ANKRD30A: variants seen among roughly 807,000 people sequenced by gnomAD.
The protein encoded by ANKRD30A is ankyrin repeat domain-containing protein 30A.
Under a neutral mutation model 166.3 loss-of-function variants are expected in ANKRD30A, and 170 were observed. The observed-to-expected ratio is 1.02, with a 90% CI of 0.90 to 1.16. The LOEUF (loss-of-function observed/expected upper bound fraction) is 1.16, where lower values mean the gene tolerates loss of function less well. Among genes scored for constraint, ANKRD30A ranks in the 50% most tolerant of loss-of-function variants. The pLI is 0.00. For synonymous variants in ANKRD30A, 564 were observed against 508.9 expected (o/e 1.11, Z -1.46); for missense variants, 1,630 against 1,518.0 (o/e 1.07, Z -1.23).
intron 7 of ANKRD30A, among the ~76,000 whole-genome samples, chr10:37,143,199 AAAAAAT>A (rs1837273654): frequency 6.6e-6 from 1 of 152,216 alleles, no homozygotes; most frequent in Non-Finnish European, 1.5e-5. Context: ...AGCAAGAAAG[AAAAAAT>A]AATGCTTATG....
intron 27 of ANKRD30A, among the ~76,000 whole-genome samples, chr10:37,196,146 C>G (rs191876962): frequency 2.4e-3 from 317 of 131,604 alleles, no homozygotes; most frequent in African/African-American, 8.7e-3. Flanking sequence ...TAACAGGGGA[C>G]AAACAAGAAA....
At chr10:37,250,802 G>A in the ANKRD30A span, among the ~76,000 whole-genome samples, 2 of 151,528 alleles carry the variant, frequency 1.3e-5, no homozygotes, top group African/African-American at 4.8e-5. Flanking sequence ...TCAGCCTCCA[G>A]ATCTTTAAGA....
rs769829463 is a variant in ANKRD30A, at chr10:37,149,830, T to C, written c.1626T>C (p.Asn542=). The C allele has an allele frequency of 4.3e-6, 7 of 1,612,674 alleles. No individual in the cohort carries two copies. Among genetic ancestry groups the C allele is most frequent in the Non-Finnish European group, 5.9e-6 (7 of 1,179,086 alleles). The change falls in exon 11 of 36, where the codon AAT becomes AAC. Residue 542 remains asparagine, a synonymous_variant. Coordinates refer to ENST00000361713, the MANE Select transcript of ANKRD30A (RefSeq NM_052997.3). The part of the protein sequence containing the change: ...SVPNKAFELK[N]EQTLRADPMF... ...CAAATAAAGCCTTTGAATTGAAGAA[T>C]GAACAAACATTGAGAGCAGGTAAAT... is the stretch of plus-strand genomic sequence containing the variant.
chr10:37,142,711 C>T (rs1038416763), intron 7 of ANKRD30A, among the ~76,000 whole-genome samples: 1 of 151,202 alleles, frequency 6.6e-6, no homozygotes, highest in African/African-American at 2.4e-5. Flanking sequence ...GCCTTAGCCT[C>T]CCAAGTAGCT....
rs540504195 is a variant in ANKRD30A at position 37,171,951 on chromosome 10, T to C, written c.2258-1761T>C. ...ATTGATGCCTTGAGAATAAAGCATC[T>C]GGTTGTCACTCCAGCAGTTTTATAT... On this transcript the variant is annotated intron_variant, in intron 21 of 35. Coordinates refer to ENST00000361713, the MANE Select transcript of ANKRD30A (RefSeq NM_052997.3). 8.1e-4 allele frequency among the ~76,000 whole-genome samples: 116 copies of C among 142,744 alleles called. 1 individual carries two copies. In the South Asian group the frequency reaches 0.025, roughly 30 times the overall value. 93.6% of individuals were successfully genotyped at this position (142,744 alleles called of 152,430 possible). A position where few individuals can be genotyped will look rare whatever the true frequency, so the allele number is the denominator to read the frequency against.
chr10:37,219,053 T>A lies in ANKRD30A; in HGVS notation c.3341T>A (p.Leu1114Gln). The A allele has an allele frequency of 3.7e-6, 6 of 1,606,680 alleles. No individual in the cohort carries two copies. Among genetic ancestry groups the A allele is most frequent in the Non-Finnish European group, 5.1e-6 (6 of 1,176,080 alleles). ...NCMLKKEIAM[L>Q]KLEIATLKHQ... is the part of the protein sequence containing the mutation. ...ATGTTGAAAAAGGAAATTGCCATGC[T>A]AAAACTGGAAATAGCCACACTGAAA... Residue 1114 changes from leucine (L) to glutamine (Q), a missense_variant, in exon 34 of 36, where the codon CTA (leucine) becomes CAA (glutamine). By Grantham distance (113) the Leu-to-Gln change is moderately radical. Around this residue, in one of 4 missense-constraint regions of ANKRD30A, gnomAD observed 712 missense variants for 629.3 expected, o/e 1.13. Coordinates refer to ENST00000361713, the MANE Select transcript of ANKRD30A (RefSeq NM_052997.3).
intron 25 of ANKRD30A, among the ~76,000 whole-genome samples, chr10:37,192,068 G>A (rs1447250060): frequency 1.9e-4 from 29 of 151,854 alleles, no homozygotes; most frequent in Admixed American, 1.5e-3. Context: ...ACAGAGTCTC[G>A]CTCTGTCATC....
chr10:37,129,535 G>A (rs1228654407), intron 1 of ANKRD30A, among the ~76,000 whole-genome samples: 1 of 152,084 alleles, frequency 6.6e-6, no homozygotes, highest in Non-Finnish European at 1.5e-5. Context: ...TTCCCATTGA[G>A]GCATCATAGT....
intron 34 of ANKRD30A, 24 bp from the exon 35 acceptor site, chr10:37,231,437 A>G (rs1352695273): frequency 8.2e-6 from 13 of 1,584,656 alleles, no homozygotes; most frequent in African/African-American, 4.1e-5. Context: ...AATACTAAGC[A>G]TTTTCCTTTT....
At position 37,191,036 on chromosome 10, in the gene ANKRD30A, C is replaced by T. The variant is rs1840522165; in HGVS notation, c.2512+1479C>T. Among the ~76,000 whole-genome samples, 3 of 151,654 alleles carry T rather than the reference C, an allele frequency of 2.0e-5. No homozygotes were observed. In the South Asian group the frequency reaches 6.3e-4, roughly 32 times the overall value. On this transcript the variant is annotated intron_variant, in intron 25 of 35. Transcript: ENST00000361713. Reference sequence around the variant, plus strand: ...AACTCTGAATTTATGACTTGAATACCTAAATTGTTGTTATTCGTAGGTATT... The same window carrying T: ...AACTCTGAATTTATGACTTGAATACTTAAATTGTTGTTATTCGTAGGTATT...
At chr10:37,194,350 T>C (rs1181316086) in intron 27 of ANKRD30A, among the ~76,000 whole-genome samples, 1 of 152,056 alleles carries the variant, frequency 6.6e-6, no homozygotes. Flanking sequence ...TCAGTTTTTT[T>C]GTTTTGTTTT....
chr10:37,159,569 T>C (rs1300953541), intron 15 of ANKRD30A, among the ~76,000 whole-genome samples: 2 of 152,182 alleles, frequency 1.3e-5, no homozygotes, highest in Non-Finnish European at 2.9e-5. Flanking sequence ...TTATAGACCA[T>C]GTGTACAATT....
chr10:37,221,004 A>G (rs1319680116), intron 34 of ANKRD30A, among the ~76,000 whole-genome samples: 4 of 150,412 alleles, frequency 2.7e-5, no homozygotes, highest in Non-Finnish European at 4.5e-5. Context: ...AGGAGAAAGC[A>G]TTCCACTGTG....
chr10:37,258,732 G>A, the ANKRD30A span, among the ~76,000 whole-genome samples: 1 of 151,216 alleles, frequency 6.6e-6, no homozygotes, highest in African/African-American at 2.4e-5. Flanking sequence ...GGGAGGCCGA[G>A]GTGGGTGGAT....
chr10:37,127,424 C>G (rs1000546048), intron 1 of ANKRD30A, among the ~76,000 whole-genome samples: 6 of 151,896 alleles, frequency 4.0e-5, no homozygotes, highest in African/African-American at 1.5e-4. Context: ...CTCTGAAGGG[C>G]AATTTAGTAA....
Position 37,225,489 on chromosome 10 carries a change from CT to C in ANKRD30A, c.4185+5594del, listed in dbSNP as rs573670447. Among the ~76,000 whole-genome samples, 324 of 151,850 alleles carry C rather than the reference CT, an allele frequency of 2.1e-3. 1 individual carries two copies. The highest frequency in any genetic ancestry group is 7.7e-3 in the African/African-American group (318 of 41,468). On this transcript the variant is annotated intron_variant, in intron 34 of 35. Coordinates refer to ENST00000361713, the MANE Select transcript of ANKRD30A (RefSeq NM_052997.3). Reference sequence around the variant, plus strand: ...CCATGGAGATTTTAAAACCAGTCTACTTGAAATGGATATTTAGATGAATAAG... The same window carrying C: ...CCATGGAGATTTTAAAACCAGTCTACTGAAATGGATATTTAGATGAATAAG...
At chr10:37,140,792 CAATATG>C (rs1837045922) in intron 6 of ANKRD30A, among the ~76,000 whole-genome samples, 1 of 151,900 alleles carries the variant, frequency 6.6e-6, no homozygotes, top group Non-Finnish European at 1.5e-5. Flanking sequence ...ATGCATTGTA[CAATATG>C]AATTATATGG....
Position 37,229,909 on chromosome 10 carries a change from A to G in ANKRD30A, c.4186-1552A>G, listed in dbSNP as rs560950494. ...ATAATCACATTAGGGTAAATGGGGTATTCGTCACCTCAAGCTTTTATCCAA... is the reference window on the plus strand; with the variant it reads ...ATAATCACATTAGGGTAAATGGGGTGTTCGTCACCTCAAGCTTTTATCCAA... On this transcript the variant is annotated intron_variant, in intron 34 of 35. Transcript: ENST00000361713. 5.3e-5 allele frequency among the ~76,000 whole-genome samples: 8 copies of G among 152,078 alleles called. No homozygotes were observed. In the South Asian group the frequency reaches 8.3e-4, roughly 16 times the overall value.
intron 7 of ANKRD30A, among the ~76,000 whole-genome samples, chr10:37,144,470 C>A (rs980823804): frequency 6.6e-6 from 1 of 152,178 alleles, no homozygotes; most frequent in African/African-American, 2.4e-5. Flanking sequence ...AACACATACA[C>A]ACCAAATATA....
Sources: gnomAD v4.1 joint callset for allele counts (sites outside exome capture counted in the v4.1 genomes callset) on GRCh38, gnomAD v4.1.1 for gene constraint, gnomAD v4.1.1 regional missense constraint, MANE v1.5 for transcripts, NCBI Gene and HGNC (gene_info 2026-07-23, HGNC 2026-07-21) for gene names.